CLIC5: variants seen among roughly 807,000 people sequenced by gnomAD.
CLIC5 encodes the protein CLIC family member 5, also known as chloride intracellular channel protein 5.
A neutral mutation model predicts 24.7 loss-of-function variants in CLIC5; 20 were observed. That is an observed-to-expected ratio of 0.81 (90% CI 0.57 to 1.18). The LOEUF is 1.18. CLIC5 is among the 50% of genes most tolerant of loss of function. The probability of loss-of-function intolerance (pLI) is 0.00; values close to 1 mark genes in which losing one functional copy is unlikely to be tolerated. For synonymous variants in CLIC5, 159 were observed against 135.6 expected (o/e 1.17, Z -1.20); for missense variants, 341 against 326.1 (o/e 1.05, Z -0.35).
At chr6:46,001,397 T>C (rs1766352952) in intron 1 of CLIC5, among the ~76,000 whole-genome samples, 1 of 152,186 alleles carries the variant, frequency 6.6e-6, no homozygotes, top group African/African-American at 2.4e-5. Context: ...TCCCCTCATG[T>C]TGCACACTTG....
In CLIC5 at chr6:46,047,842, A is replaced by AATT. The variant is rs1554165271; in HGVS notation, c.540+31860_540+31861insAAT. On this transcript the variant is annotated intron_variant, in intron 1 of 5. Coordinates refer to the CLIC5 transcript ENST00000185206. ...CATTCAAAGTGTATGTTTCAAAAAA[A>AATT]ACAGAAAAAACAGTATTACAGGTAT... Among the ~76,000 whole-genome samples the AATT allele has an allele frequency of 5.9e-5, 9 of 151,444 alleles. No homozygotes were observed. In the South Asian group the frequency reaches 1.2e-3, roughly 21 times the overall value.
chr6:45,888,066 G>T (rs549478797), intron 6 of CLIC5, among the ~76,000 whole-genome samples: 1 of 152,334 alleles, frequency 6.6e-6, no homozygotes, highest in Non-Finnish European at 1.5e-5. Context: ...CCAAGTAATG[G>T]GAGAATGTTG....
chr6:45,977,485 A>C (rs1427529841), intron 1 of CLIC5, among the ~76,000 whole-genome samples: 1 of 152,186 alleles, frequency 6.6e-6, no homozygotes, highest in Non-Finnish European at 1.5e-5. Context: ...ACAATATCCT[A>C]AATTATTTCT....
At chr6:46,064,169 T>G (rs977549160) in intron 1 of CLIC5, among the ~76,000 whole-genome samples, 2 of 151,822 alleles carry the variant, frequency 1.3e-5, no homozygotes, top group Non-Finnish European at 2.9e-5. Context: ...AAGAGAGAAT[T>G]GACAATAAAT....
chr6:46,036,329 A>AGAC (rs1554164361), intron 1 of CLIC5, among the ~76,000 whole-genome samples: 1 of 41,854 alleles, frequency 2.4e-5, no homozygotes, highest in African/African-American at 1.1e-4. Context: ...TTTTTTTTTG[A>AGAC]GACGGAGTCT....
intron 3 of CLIC5, among the ~76,000 whole-genome samples, chr6:45,946,106 G>C (rs1438950652): frequency 6.6e-6 from 1 of 152,228 alleles, no homozygotes; most frequent in Admixed American, 6.5e-5. Context: ...AAGGCAAGGA[G>C]GGTCTGAGCG....
At chr6:45,883,384 C>T (rs1053988531) in intron 6 of CLIC5, among the ~76,000 whole-genome samples, 1 of 152,140 alleles carries the variant, frequency 6.6e-6, no homozygotes, top group African/African-American at 2.4e-5. Flanking sequence ...TAGGAAAACT[C>T]TAAAGTCTTT....
chr6:46,125,178 AAATGTCCAAC>A, the CLIC5 span, among the ~76,000 whole-genome samples: 76 of 152,340 alleles, frequency 5.0e-4, no homozygotes, highest in Admixed American at 9.1e-4. Context: ...GATCCAACCC[AAATGTCCAAC>A]AATGATAGAC....
intron 1 of CLIC5, among the ~76,000 whole-genome samples, chr6:46,073,062 C>G (rs1762661134): frequency 6.6e-6 from 1 of 152,194 alleles, no homozygotes; most frequent in East Asian, 1.9e-4. Flanking sequence ...GTTCACTCCT[C>G]TGACTTTCCA....
In CLIC5 at chr6:45,974,497, GTATA is replaced by G. The variant is rs1554154071; in HGVS notation, c.64-19257_64-19254del. 1.7e-3 allele frequency among the ~76,000 whole-genome samples: 130 copies of G among 76,188 alleles called. 1 individual carries two copies. The highest frequency in any genetic ancestry group is 4.6e-3 in the African/African-American group (99 of 21,592). 50.0% of individuals were successfully genotyped at this position (76,188 alleles called of 152,430 possible). ...AGTGTTTACTACTGTGTGTGTGTGT[GTATA>G]TATATATATATATATATATATAGAG... On this transcript the variant is annotated intron_variant, in intron 1 of 5. Coordinates refer to ENST00000339561, the MANE Select transcript of CLIC5 (RefSeq NM_016929.5).
intron 1 of CLIC5, among the ~76,000 whole-genome samples, chr6:45,982,051 T>C (rs1019334308): frequency 3.3e-5 from 5 of 151,338 alleles, no homozygotes; most frequent in African/African-American, 9.7e-5. Context: ...AGGATGACAC[T>C]GAGGTTTTGA....
intron 1 of CLIC5, among the ~76,000 whole-genome samples, chr6:46,002,662 A>C (rs1766405357): frequency 1.3e-5 from 2 of 152,208 alleles, no homozygotes; most frequent in African/African-American, 4.8e-5. Flanking sequence ...GTATATTTTT[A>C]AAAGGACGTC....
chr6:45,898,244 G>C (rs1581706350), downstream of CLIC5, among the ~76,000 whole-genome samples: 1 of 151,878 alleles, frequency 6.6e-6, no homozygotes, highest in Admixed American at 6.6e-5. Context: ...GGAGTTCGAG[G>C]CCAGCCTGGC....
At chr6:46,106,509 G>A in the CLIC5 span, among the ~76,000 whole-genome samples, 1 of 152,096 alleles carries the variant, frequency 6.6e-6, no homozygotes, top group Non-Finnish European at 1.5e-5. Flanking sequence ...CTTTTTTGGG[G>A]CCCAATTTGT....
At chr6:46,059,932 G>T (rs866312894) in intron 1 of CLIC5, among the ~76,000 whole-genome samples, 1 of 152,150 alleles carries the variant, frequency 6.6e-6, no homozygotes, top group Non-Finnish European at 1.5e-5. Context: ...TCTTGTAGTA[G>T]TTTCATAGTT....
chr6:45,976,520 C>G (rs1427626568), intron 1 of CLIC5, among the ~76,000 whole-genome samples: 1 of 152,184 alleles, frequency 6.6e-6, no homozygotes, highest in Non-Finnish European at 1.5e-5. Flanking sequence ...CATGGTTAGA[C>G]ATAGAAGCTT....
intron 4 of CLIC5, among the ~76,000 whole-genome samples, chr6:45,917,681 C>T (rs1189725420): frequency 1.3e-5 from 2 of 152,152 alleles, no homozygotes; most frequent in Non-Finnish European, 2.9e-5. Context: ...TGGCAGTACC[C>T]ACTATACGCT....
At chr6:45,892,556 C>T (rs745770898) in intron 6 of CLIC5, among the ~76,000 whole-genome samples, 8 of 152,144 alleles carry the variant, frequency 5.3e-5, no homozygotes, top group African/African-American at 9.7e-5. Context: ...TTGTTCTTGC[C>T]TGTGTGGAGG....
At position 45,950,961 on chromosome 6, in the gene CLIC5, T is replaced by C. The variant is rs368608716; in HGVS notation, c.174-1580A>G. ...CTATTTTTAAAAATTATGGGGTTAC[T>C]TAAATGTTATCTTAAGTTAAAAACA... On this transcript the variant is annotated intron_variant, in intron 2 of 5. Coordinates refer to ENST00000339561, the MANE Select transcript of CLIC5 (RefSeq NM_016929.5). Among the ~76,000 whole-genome samples, 3 of 152,232 alleles carry C rather than the reference T, an allele frequency of 2.0e-5. No individual in the cohort carries two copies. The East Asian group carries it at 5.8e-4, about 29-fold the overall frequency.
Sources: gnomAD v4.1 joint callset for allele counts (sites outside exome capture counted in the v4.1 genomes callset) on GRCh38, gnomAD v4.1.1 for gene constraint, MANE v1.5 for transcripts, NCBI Gene and HGNC (gene_info 2026-07-23, HGNC 2026-07-21) for gene names.